IGF2BP3: variants seen among roughly 807,000 people sequenced by gnomAD.
IGF2BP3 encodes insulin-like growth factor 2 mRNA-binding protein 3.
IGF2BP3 carries 9 observed loss-of-function variants against 73.8 expected under a neutral mutation model. The ratio of observed to expected loss-of-function variants is 0.12; its 90% confidence interval spans 0.07 to 0.21. The LOEUF is 0.21. IGF2BP3 is among the 10% of genes least tolerant of loss of function. The pLI is 1.00. For synonymous variants in IGF2BP3, 258 were observed against 256.7 expected, an observed-to-expected ratio of 1.01 and a Z score of -0.05; for missense variants, 542 against 714.0, an observed-to-expected ratio of 0.76 and a Z score of 2.75.
intron 10 of IGF2BP3, among the ~76,000 whole-genome samples, chr7:23,329,138 G>A (rs867309508): frequency 2.6e-5 from 4 of 151,970 alleles, no homozygotes; most frequent in African/African-American, 4.8e-5. Flanking sequence ...GCATGAACCC[G>A]GAAGGTGGAG....
chr7:23,397,463 G>A lies in IGF2BP3; in HGVS notation c.285+21313C>T, dbSNP rs539851887. ...TCAGCTCTGATGTTGAACTGCAGCC[G>A]TCTCCTCTAAGGTCTCAAACTGGCC... is the stretch of plus-strand genomic sequence containing the variant. On this transcript the variant is annotated intron_variant, in intron 3 of 14. Coordinates refer to ENST00000258729, the MANE Select transcript of IGF2BP3 (RefSeq NM_006547.3). Among the ~76,000 whole-genome samples, 14 of 152,240 alleles carry A rather than the reference G, an allele frequency of 9.2e-5. 1 individual carries two copies. The South Asian group carries it at 2.5e-3, about 27-fold the overall frequency.
intron 3 of IGF2BP3, among the ~76,000 whole-genome samples, chr7:23,391,894 T>C (rs1786288603): frequency 6.6e-6 from 1 of 152,194 alleles, no homozygotes; most frequent in Non-Finnish European, 1.5e-5. Context: ...ACCACTACTT[T>C]TAGGCCTTAC....
chr7:23,351,243 A>C (rs957422902), intron 6 of IGF2BP3, 62 bp downstream of exon 6: 1 of 1,572,126 alleles, frequency 6.4e-7, no homozygotes, highest in African/African-American at 1.3e-5. Flanking sequence ...AGAACGACAC[A>C]CTGTTACTAA....
Position 23,342,102 on chromosome 7 carries a change from G to T in IGF2BP3, c.1165C>A (p.Pro389Thr). 1 of 1,605,970 alleles carries T rather than the reference G, an allele frequency of 6.2e-7. No homozygotes were observed. ...TSGMPPPTSG[P>T]PSAMTPPYPQ... is the part of the protein sequence containing the mutation. The stretch of plus-strand genomic sequence containing the variant: ...TAGGGAGGAGTCATGGCTGAAGGGG[G>T]CCCTGAGGTGGGAGGTGGCATCCCT... The change falls in exon 10 of 15, where the codon CCC becomes ACC. Residue 389 changes from proline to threonine, a missense_variant. Physicochemically the swap from Pro to Thr is conservative, Grantham distance 38. Around this residue, in one of 2 missense-constraint regions of IGF2BP3, gnomAD observed 303 missense variants for 472.1 expected, o/e 0.64. Transcript: ENST00000258729.
chr7:23,404,750 C>T (rs564702986), intron 3 of IGF2BP3, among the ~76,000 whole-genome samples: 4 of 120,574 alleles, frequency 3.3e-5, no homozygotes, highest in East Asian at 2.7e-4. Flanking sequence ...AATCAAAATA[C>T]GGCAAGTGGG....
chr7:23,409,603 AT>A (rs1334163092), intron 3 of IGF2BP3, among the ~76,000 whole-genome samples: 1 of 152,222 alleles, frequency 6.6e-6, no homozygotes, highest in Non-Finnish European at 1.5e-5. Flanking sequence ...TGGTCAATTG[AT>A]TTGTAACAAA....
rs1784558552 is a variant in IGF2BP3, at chr7:23,335,784, G to T, written c.1203+6280C>A. 2.0e-5 allele frequency among the ~76,000 whole-genome samples: 3 copies of T among 152,156 alleles called. No individual in the cohort carries two copies. The South Asian group carries it at 6.2e-4, about 31-fold the overall frequency. ...ATGCTGCCAAGACCATCCAGCTAAG[G>T]CGACACGCACTATGCCAATTCCAGC... On this transcript the variant is annotated intron_variant, in intron 10 of 14. Transcript: ENST00000258729.
rs538684850 is a variant in IGF2BP3, at chr7:23,420,942, A to C, written c.237-2118T>G. ...TTTGGGATTTGTTTCAAAATAACTC[A>C]TGTGGTAATAACTGTTAAAGCTTCA... On this transcript the variant is annotated intron_variant, in intron 2 of 14. Coordinates refer to ENST00000258729, the MANE Select transcript of IGF2BP3 (RefSeq NM_006547.3). 3.3e-5 allele frequency among the ~76,000 whole-genome samples: 5 copies of C among 152,304 alleles called. No homozygotes were observed. The East Asian group carries it at 9.6e-4, about 29-fold the overall frequency.
intron 10 of IGF2BP3, among the ~76,000 whole-genome samples, chr7:23,331,059 A>T (rs1310506756): frequency 6.6e-6 from 1 of 152,212 alleles, no homozygotes; most frequent in Non-Finnish European, 1.5e-5. Context: ...TCAGCCTCCC[A>T]AAGTGTTGGG....
rs992852992 is a variant in IGF2BP3, at chr7:23,317,605, C to A, written c.1395+34G>T. 4 of 1,547,206 alleles carry A rather than the reference C, an allele frequency of 2.6e-6. No individual in the cohort carries two copies. In the African/African-American group the frequency reaches 5.4e-5, roughly 21 times the overall value. On this transcript the variant is annotated intron_variant, in intron 12 of 14. Transcript: ENST00000258729. The stretch of plus-strand genomic sequence containing the variant: ...TTATGGACTACCTGTGCATTTGTTA[C>A]CTGTGGACATAGCACATACTCTAGA...
At chr7:23,327,113 T>C (rs1282595009) in intron 10 of IGF2BP3, among the ~76,000 whole-genome samples, 1 of 152,002 alleles carries the variant, frequency 6.6e-6, no homozygotes, top group Non-Finnish European at 1.5e-5. Flanking sequence ...ATATTTTGTC[T>C]TACACAACTT....
At chr7:23,451,923 G>A (rs1397491603) in intron 2 of IGF2BP3, among the ~76,000 whole-genome samples, 1 of 148,304 alleles carries the variant, frequency 6.7e-6, no homozygotes, top group Non-Finnish European at 1.5e-5. Context: ...ACTCCAGCCT[G>A]GGCGACAGAG....
intron 2 of IGF2BP3, among the ~76,000 whole-genome samples, chr7:23,427,112 C>G (rs1787534572): frequency 6.6e-6 from 1 of 152,202 alleles, no homozygotes; most frequent in African/African-American, 2.4e-5. Context: ...AAAGCACACA[C>G]CTTACACAAG....
chr7:23,457,874 T>C (rs1296666603), intron 2 of IGF2BP3, among the ~76,000 whole-genome samples: 2 of 152,252 alleles, frequency 1.3e-5, no homozygotes, highest in African/African-American at 4.8e-5. Flanking sequence ...TTAATATTTA[T>C]ACAATCTGTT....
intron 2 of IGF2BP3, among the ~76,000 whole-genome samples, chr7:23,452,839 C>A (rs1584061064): frequency 6.7e-6 from 1 of 148,828 alleles, no homozygotes; most frequent in Non-Finnish European, 1.5e-5. Flanking sequence ...CAGGGCTGGG[C>A]GCAGTGGCTC....
chr7:23,425,979 A>G (rs1485856748), intron 2 of IGF2BP3, among the ~76,000 whole-genome samples: 3 of 85,186 alleles, frequency 3.5e-5, no homozygotes, highest in Admixed American at 2.3e-4. Context: ...AAAAACAAAC[A>G]AAAAAACCCT....
At chr7:23,354,699 G>A (rs1448146294) in intron 5 of IGF2BP3, among the ~76,000 whole-genome samples, 1 of 152,100 alleles carries the variant, frequency 6.6e-6, no homozygotes, top group Non-Finnish European at 1.5e-5. Flanking sequence ...TTTCTTTGTG[G>A]GGAAAAGAAA....
intron 2 of IGF2BP3, among the ~76,000 whole-genome samples, chr7:23,420,823 G>A (rs113674787): frequency 1.7e-3 from 257 of 152,164 alleles, no homozygotes; most frequent in African/African-American, 5.8e-3. Context: ...CAGTCATCAA[G>A]GTAAAATATA....
intron 5 of IGF2BP3, among the ~76,000 whole-genome samples, chr7:23,355,078 A>G (rs1009269616): frequency 3.3e-5 from 5 of 152,084 alleles, no homozygotes; most frequent in Admixed American, 1.3e-4. Context: ...AAATTTTAGT[A>G]TTTTCACCAA....
Sources: gnomAD v4.1 joint callset for allele counts (sites outside exome capture counted in the v4.1 genomes callset) on GRCh38, gnomAD v4.1.1 for gene constraint, gnomAD v4.1.1 regional missense constraint, MANE v1.5 for transcripts, NCBI Gene and HGNC (gene_info 2026-07-23, HGNC 2026-07-21) for gene names.